The following LARGE1 variants were observed in gnomAD, a reference collection of about 807,000 sequenced individuals.
The protein encoded by LARGE1 is xylosyl- and glucuronyltransferase LARGE1.
LARGE1 carries 43 observed loss-of-function variants against 87.6 expected under a neutral mutation model. The observed-to-expected ratio is 0.49, with a 90% CI of 0.38 to 0.63. The LOEUF is 0.63. Among genes scored for constraint, LARGE1 ranks in the 30% least tolerant of loss-of-function variants. The probability of loss-of-function intolerance (pLI) is 0.00; values close to 1 mark genes in which losing one functional copy is unlikely to be tolerated. For missense variants in LARGE1, 802 were observed against 1,000.2 expected (o/e 0.80, Z 2.67); for synonymous variants, 434 against 394.6 (o/e 1.10, Z -1.18).
chr22:33,405,579 C>T (rs2066068091), intron 7 of LARGE1, among the ~76,000 whole-genome samples: 1 of 152,128 alleles, frequency 6.6e-6, no homozygotes, highest in Non-Finnish European at 1.5e-5. Flanking sequence ...AAGATTTCAA[C>T]AGACCACATA....
rs531421933 is a variant in LARGE1 at position 33,891,804 on chromosome 22, T to C, written c.-83+28191A>G. ...AGTTGTAAGAGCTGGTTTTGGTTCA[T>C]CAAAAGCAAAGTCATTAGAAATTTA... On this transcript the variant is annotated intron_variant, in intron 1 of 14. Coordinates refer to ENST00000397394, the MANE Select transcript of LARGE1 (RefSeq NM_133642.5). 1.2e-4 allele frequency among the ~76,000 whole-genome samples: 19 copies of C among 152,344 alleles called. No individual in the cohort carries two copies. In the South Asian group the frequency reaches 3.9e-3, roughly 32 times the overall value.
intron 13 of LARGE1, among the ~76,000 whole-genome samples, chr22:33,279,916 C>T (rs1030242398): frequency 2.0e-5 from 3 of 152,186 alleles, no homozygotes; most frequent in African/African-American, 7.2e-5. Flanking sequence ...TCAAATCCCA[C>T]CTCTGCCACT....
intron 13 of LARGE1, among the ~76,000 whole-genome samples, chr22:33,281,103 G>A (rs145603090): frequency 5.3e-5 from 8 of 152,214 alleles, no homozygotes; most frequent in East Asian, 1.9e-4. Context: ...GCAATTTCTC[G>A]GAGACAAGGG....
intron 6 of LARGE1, among the ~76,000 whole-genome samples, chr22:33,437,538 C>G (rs1036081481): frequency 6.6e-6 from 1 of 152,108 alleles, no homozygotes; most frequent in African/African-American, 2.4e-5. Context: ...TCAAACATTA[C>G]CACTAAAAGC....
At chr22:33,544,100 C>G (rs1484769911) in intron 6 of LARGE1, among the ~76,000 whole-genome samples, 1 of 152,178 alleles carries the variant, frequency 6.6e-6, no homozygotes, top group Non-Finnish European at 1.5e-5. Flanking sequence ...GTTGTCACAA[C>G]GTATTGTTGG....
At chr22:33,716,286 T>G (rs1410540725) in intron 2 of LARGE1, among the ~76,000 whole-genome samples, 1 of 152,228 alleles carries the variant, frequency 6.6e-6, no homozygotes, top group Non-Finnish European at 1.5e-5. Flanking sequence ...CTAAAAAAAT[T>G]GGCCATTGTT....
chr22:33,349,973 A>C (rs1465596623), intron 9 of LARGE1, among the ~76,000 whole-genome samples: 1 of 152,218 alleles, frequency 6.6e-6, no homozygotes, highest in Non-Finnish European at 1.5e-5. Context: ...ACTTAGGCCA[A>C]TGCATGAATC....
intron 1 of LARGE1, among the ~76,000 whole-genome samples, chr22:33,837,267 C>T (rs1451313677): frequency 2.6e-5 from 4 of 151,824 alleles, no homozygotes; most frequent in Non-Finnish European, 4.4e-5. Flanking sequence ...TACACACACA[C>T]ACACACACAC....
At chr22:33,149,358 T>G in the LARGE1 span, among the ~76,000 whole-genome samples, 1 of 152,158 alleles carries the variant, frequency 6.6e-6, no homozygotes, top group African/African-American at 2.4e-5. Flanking sequence ...CTTAACAGTG[T>G]CTTTCATGGA....
chr22:33,278,716 CTTTTTTTA>C (rs760136664), intron 13 of LARGE1, among the ~76,000 whole-genome samples: 4 of 152,048 alleles, frequency 2.6e-5, no homozygotes, highest in East Asian at 1.9e-4. Flanking sequence ...CTTCACCTCT[CTTTTTTTA>C]TTTTTTTATT....
intron 12 of LARGE1, among the ~76,000 whole-genome samples, chr22:33,297,979 CAAA>C (rs757656914): frequency 2.1e-5 from 1 of 48,768 alleles, no homozygotes; most frequent in Non-Finnish European, 4.6e-5. Flanking sequence ...GACATCATCT[CAAA>C]AAAAAAAAAA....
intron 6 of LARGE1, among the ~76,000 whole-genome samples, chr22:33,554,435 A>C (rs2077616833): frequency 6.6e-6 from 1 of 152,096 alleles, no homozygotes. Flanking sequence ...AAACAACAAC[A>C]ACAACAAACA....
chr22:33,897,014 CCT>C (rs1401966100), intron 1 of LARGE1, among the ~76,000 whole-genome samples: 2 of 152,138 alleles, frequency 1.3e-5, no homozygotes, highest in African/African-American at 4.8e-5. Flanking sequence ...GGTTATCGCC[CCT>C]GTCTCTCACT....
the LARGE1 span, among the ~76,000 whole-genome samples, chr22:33,152,569 T>C: frequency 6.6e-6 from 1 of 152,108 alleles, no homozygotes; most frequent in Non-Finnish European, 1.5e-5. Context: ...TTATTTTTAT[T>C]ATATTTAAAT....
In LARGE1 at chr22:33,822,373, C is replaced by T. The variant is rs186395882; in HGVS notation, c.-82-60815G>A. Reference sequence around the variant, plus strand: ...GCACTGTTGTGCTGATCTCCCATAGCTTAGAAATGCAAATGTAGCCCAGGC... The same window carrying T: ...GCACTGTTGTGCTGATCTCCCATAGTTTAGAAATGCAAATGTAGCCCAGGC... On this transcript the variant is annotated intron_variant, in intron 1 of 14. Coordinates refer to ENST00000397394, the MANE Select transcript of LARGE1 (RefSeq NM_133642.5). 2.6e-5 allele frequency among the ~76,000 whole-genome samples: 4 copies of T among 152,264 alleles called. No homozygotes were observed. In the East Asian group the frequency reaches 5.8e-4, roughly 22 times the overall value.
At chr22:33,206,870 C>A (rs1266380629) in intron 11 of LARGE1, among the ~76,000 whole-genome samples, 2 of 152,236 alleles carry the variant, frequency 1.3e-5, no homozygotes, top group East Asian at 1.9e-4. Flanking sequence ...CCTGCTGCTT[C>A]ATGGCATATT....
chr22:33,854,487 G>A (rs1447469310), intron 1 of LARGE1, among the ~76,000 whole-genome samples: 1 of 152,002 alleles, frequency 6.6e-6, no homozygotes, highest in Non-Finnish European at 1.5e-5. Context: ...AAAAGTACAA[G>A]GTAAATCCCC....
intron 6 of LARGE1, among the ~76,000 whole-genome samples, chr22:33,445,851 T>C (rs527367745): frequency 1.7e-4 from 26 of 152,172 alleles, no homozygotes; most frequent in Middle Eastern, 6.8e-3. Flanking sequence ...ACTTTCACCA[T>C]ATTGGCCAGG....
At position 33,890,307 on chromosome 22, in the gene LARGE1, T is replaced by C. The variant is rs145817342; in HGVS notation, c.-83+29688A>G. Among the ~76,000 whole-genome samples the C allele has an allele frequency of 3.7e-4, 56 of 152,328 alleles. No homozygotes were observed. The East Asian group carries it at 0.011, about 29-fold the overall frequency. ...CTCCTGTTTATTCCATCTTAGGGTTTTATGTGAGGATTTAAAATGTCAAAT... is the reference window on the plus strand; with the variant it reads ...CTCCTGTTTATTCCATCTTAGGGTTCTATGTGAGGATTTAAAATGTCAAAT... On this transcript the variant is annotated intron_variant, in intron 1 of 14. Coordinates refer to ENST00000397394, the MANE Select transcript of LARGE1 (RefSeq NM_133642.5).
Sources: allele counts gnomAD v4.1 joint callset (sites outside exome capture counted in the v4.1 genomes callset), GRCh38; gene constraint gnomAD v4.1.1; transcripts MANE v1.5; gene names NCBI Gene and HGNC (gene_info 2026-07-23, HGNC 2026-07-21).